CAND2: variants seen among roughly 807,000 people sequenced by gnomAD.
CAND2 encodes cullin-associated NEDD8-dissociated protein 2.
In CAND2, 62 loss-of-function variants were observed where a neutral mutation model predicts 98.9. The ratio of observed to expected loss-of-function variants is 0.63; its 90% CI spans 0.51 to 0.77. The LOEUF (loss-of-function observed/expected upper bound fraction) is 0.77, where lower values mean the gene tolerates loss of function less well. Ranked by LOEUF, CAND2 falls within the 30% of genes least tolerant of loss-of-function variation. CAND2 has a pLI of 0.00. For missense variants in CAND2, 1,501 were observed against 1,655.2 expected, an observed-to-expected ratio of 0.91 and a Z score of 1.62; for synonymous variants, 770 against 731.9, an observed-to-expected ratio of 1.05 and a Z score of -0.84.
chr3:12,814,645 G>C (rs58355710), intron 7 of CAND2, among the ~76,000 whole-genome samples: 23,315 of 151,956 alleles, frequency 0.15, 3,736 homozygotes, highest in African/African-American at 0.41. Flanking sequence ...CTCCCTTCTG[G>C]AGTCCCAGTA....
Position 12,825,450 on chromosome 3 carries a change from C to T in CAND2, c.3041-20C>T, listed in dbSNP as rs1476882582. 1.3e-6 allele frequency: 2 copies of T among 1,546,066 alleles called. No individual in the cohort carries two copies. Among genetic ancestry groups the T allele is most frequent in the Non-Finnish European group, 1.8e-6 (2 of 1,142,528 alleles). On this transcript the variant is annotated intron_variant, in intron 11 of 14. Coordinates refer to ENST00000456430, the MANE Select transcript of CAND2 (RefSeq NM_001162499.2). ...TGCTTTGGCTGTGCATCCCCCACGC[C>T]CCTCATGTTCTTCTGCCAGGAGAGT... is the stretch of plus-strand genomic sequence containing the variant.
At position 12,816,656 on chromosome 3, in the gene CAND2, T is replaced by C. The variant is rs763105870; in HGVS notation, c.1724T>C (p.Leu575Pro). Residue 575 changes from leucine to proline, a missense_variant, in exon 10 of 15, where the codon CTG becomes CCG. By Grantham distance (98) the Leu-to-Pro change is moderately conservative (BLOSUM62 -3). Transcript: ENST00000456430. ...GTTGGAGAGATGTCTGCTGTCACCC[T>C]GGCGCGACTTCGTGCCACTGACCTG... ...PYVGEMSAVT[L>P]ARLRATDLDQ... The C allele has an allele frequency of 1.9e-6, 3 of 1,613,794 alleles. No homozygotes were observed. The highest frequency in any genetic ancestry group is 2.5e-6 in the Non-Finnish European group (3 of 1,180,044).
chr3:12,806,742 C>G (rs2061809054), intron 2 of CAND2, among the ~76,000 whole-genome samples: 1 of 152,196 alleles, frequency 6.6e-6, no homozygotes, highest in Non-Finnish European at 1.5e-5. Flanking sequence ...TGTGGCGCTA[C>G]AGATCCTGGC....
At chr3:12,823,287 G>GTTTATTT (rs55809732) in intron 11 of CAND2, among the ~76,000 whole-genome samples, 3,190 of 151,524 alleles carry the variant, frequency 0.021, 46 homozygotes, top group Middle Eastern at 0.048. Context: ...AGTTTTTGTT[G>GTTTATTT]GTTTGTTTTT....
At chr3:12,804,624 C>A (rs2061792073) in intron 2 of CAND2, among the ~76,000 whole-genome samples, 1 of 152,154 alleles carries the variant, frequency 6.6e-6, no homozygotes, top group South Asian at 2.1e-4. Flanking sequence ...CGTGGGGATG[C>A]TTGTGTGGTA....
At chr3:12,828,336 GTT>G (rs576931018) in intron 13 of CAND2, among the ~76,000 whole-genome samples, 97 of 122,224 alleles carry the variant, frequency 7.9e-4, no homozygotes, top group African/African-American at 2.4e-3. Context: ...CAGGTGAAGT[GTT>G]TTTTTTTTTT....
rs371005220 is a variant in CAND2 at position 12,815,229 on chromosome 3, G to A, written c.1095G>A (p.Ser365=). 49 of 1,613,738 alleles carry A rather than the reference G, an allele frequency of 3.0e-5. 1 individual carries two copies. Among genetic ancestry groups the A allele is most frequent in the South Asian group, 5.5e-5 (5 of 91,090 alleles). ...AGTGCATCGCAGCCTTGATCAGCTC[G>A]CGGCCTGACCTGCTGCCCGATTTCC... is the stretch of plus-strand genomic sequence containing the variant. ...AAKCIAALIS[S]RPDLLPDFHC... The change falls in exon 8 of 15, where the codon TCG becomes TCA. Residue 365 remains serine, a synonymous_variant. Transcript: ENST00000456430. This position sits in a 1 kb window ranked among gnomAD's most constrained non-coding sequence, Gnocchi z 5.7.
At chr3:12,798,777 T>C (rs184923476) in intron 1 of CAND2, among the ~76,000 whole-genome samples, 6 of 152,060 alleles carry the variant, frequency 3.9e-5, no homozygotes, top group Admixed American at 3.9e-4. Flanking sequence ...GTGAGAATGG[T>C]GTCTATTTTT....
intron 10 of CAND2, among the ~76,000 whole-genome samples, chr3:12,819,793 C>G (rs999494051): frequency 6.6e-6 from 1 of 152,144 alleles, no homozygotes; most frequent in Non-Finnish European, 1.5e-5. Context: ...AATCCCAAGG[C>G]CTGAGGGAAG....
Position 12,820,074 on chromosome 3 carries a change from C to G in CAND2, c.2945-12C>G, listed in dbSNP as rs1277619979. 2.5e-6 allele frequency: 4 copies of G among 1,612,470 alleles called. No individual in the cohort carries two copies. In the South Asian group the frequency reaches 3.3e-5, roughly 13 times the overall value. On this transcript the variant is annotated splice_polypyrimidine_tract_variant and intron_variant, in intron 10 of 14. Transcript: ENST00000456430. ...CCTGCCCCTCACTAACTCACCTCTT[C>G]TTGTCCTGCAGGTCGGCCACACACC...
intron 12 of CAND2, 96 bp downstream of exon 12, chr3:12,825,735 C>T (rs977119041): frequency 3.3e-5 from 44 of 1,331,732 alleles, no homozygotes; most frequent in Admixed American, 1.7e-4. Flanking sequence ...GAGCAGGTGC[C>T]GGGGCCACAT....
Position 12,817,706 on chromosome 3 carries a change from C to T in CAND2, c.2774C>T (p.Ala925Val), listed in dbSNP as rs760096440. The T allele has an allele frequency of 1.9e-6, 3 of 1,596,774 alleles. No individual in the cohort carries two copies. The highest frequency in any genetic ancestry group is 2.3e-5 in the South Asian group (2 of 88,400). Residue 925 changes from alanine (A) to valine (V), a missense_variant, in exon 10 of 15, where the codon GCC becomes GTC. By Grantham distance (64) the Ala-to-Val change is moderately conservative. Coordinates refer to ENST00000456430, the MANE Select transcript of CAND2 (RefSeq NM_001162499.2). Reference sequence around the variant, plus strand: ...TCACTCAGGGAGGCCCTGGGGGCCGCCCAGCCTGACAGCCTGAAGCCCTAC... The same window carrying T: ...TCACTCAGGGAGGCCCTGGGGGCCGTCCAGCCTGACAGCCTGAAGCCCTAC... ...LHSLREALGAAQPDSLKPYAE... is the reference protein window; with the variant it reads ...LHSLREALGAVQPDSLKPYAE...
intron 13 of CAND2, among the ~76,000 whole-genome samples, chr3:12,827,976 C>G (rs562716708): frequency 2.7e-5 from 4 of 150,630 alleles, no homozygotes; most frequent in African/African-American, 9.8e-5. Context: ...AAGCGAGACC[C>G]TGTCTCAAAA....
chr3:12,801,500 C>G (rs367854756), intron 1 of CAND2, among the ~76,000 whole-genome samples: 7 of 152,232 alleles, frequency 4.6e-5, no homozygotes, highest in Admixed American at 2.6e-4. Context: ...AATTCCCGCA[C>G]CATTCCTCGA....
At chr3:12,830,356 G>GT (rs1374495224) in intron 13 of CAND2, among the ~76,000 whole-genome samples, 2 of 152,198 alleles carry the variant, frequency 1.3e-5, no homozygotes, top group Admixed American at 6.5e-5. Context: ...CAGGGTTCCG[G>GT]GAGGCTCCAG....
intron 11 of CAND2, 31 bp from the exon 12 acceptor site, chr3:12,825,439 A>G (rs1211600903): frequency 6.5e-7 from 1 of 1,537,678 alleles, no homozygotes; most frequent in Non-Finnish European, 8.8e-7. Flanking sequence ...TTGGCTGTGC[A>G]TCCCCCACGC....
chr3:12,830,625 G>C (rs1308560282), intron 13 of CAND2, among the ~76,000 whole-genome samples: 2 of 152,222 alleles, frequency 1.3e-5, no homozygotes, highest in African/African-American at 4.8e-5. Flanking sequence ...GCCACCCCCT[G>C]GGGTGAGGAG....
At chr3:12,807,557 G>C in intron 3 of CAND2, 97 bp downstream of exon 3, 29 of 1,272,422 alleles carry the variant, frequency 2.3e-5, no homozygotes, top group Non-Finnish European at 3.1e-5. Context: ...GAGGCTCAGA[G>C]AGTTGAAGAG....
chr3:12,833,003 TCTTA>T (rs1224263628), intron 14 of CAND2, among the ~76,000 whole-genome samples: 5 of 152,216 alleles, frequency 3.3e-5, no homozygotes, highest in African/African-American at 7.2e-5. Flanking sequence ...ACGAGGCAGC[TCTTA>T]CTTATAGATG....
Sources: allele counts gnomAD v4.1 joint callset (sites outside exome capture counted in the v4.1 genomes callset), GRCh38; gene constraint gnomAD v4.1.1; non-coding constraint Gnocchi (gnomAD v3.1); transcripts MANE v1.5; gene names NCBI Gene and HGNC (gene_info 2026-07-23, HGNC 2026-07-21).